PRKG1: variants seen among roughly 807,000 people sequenced by gnomAD.
PRKG1 encodes the protein cGMP-dependent protein kinase 1.
A neutral mutation model predicts 88.1 loss-of-function variants in PRKG1; 35 were observed. That is an observed-to-expected ratio of 0.40 (90% confidence interval 0.30 to 0.53). The LOEUF (loss-of-function observed/expected upper bound fraction) is 0.53. Among genes scored for constraint, PRKG1 ranks in the 20% least tolerant of loss-of-function variants. PRKG1 has a pLI of 0.59. For missense variants in PRKG1, 540 were observed against 839.8 expected, an observed-to-expected ratio of 0.64 and a Z score of 4.41; for synonymous variants, 303 against 292.5, an observed-to-expected ratio of 1.04 and a Z score of -0.37.
chr10:51,159,342 T>C (rs1846304119), intron 2 of PRKG1, among the ~76,000 whole-genome samples: 1 of 152,176 alleles, frequency 6.6e-6, no homozygotes, highest in South Asian at 2.1e-4. Context: ...TGGGCCATTT[T>C]ATTCTTTACA....
At chr10:51,852,924 C>G (rs1382654371) in intron 4 of PRKG1, among the ~76,000 whole-genome samples, 1 of 152,066 alleles carries the variant, frequency 6.6e-6, no homozygotes, top group Non-Finnish European at 1.5e-5. Context: ...TTTATCAGTT[C>G]CTTCAAGACT....
chr10:51,995,316 T>C (rs565114061), intron 5 of PRKG1, among the ~76,000 whole-genome samples: 1 of 152,266 alleles, frequency 6.6e-6, no homozygotes, highest in South Asian at 2.1e-4. Context: ...GAGCAGGTAA[T>C]GTACAATCAT....
intron 5 of PRKG1, among the ~76,000 whole-genome samples, chr10:52,008,475 C>A (rs1221290287): frequency 6.6e-6 from 1 of 151,952 alleles, no homozygotes; most frequent in African/African-American, 2.4e-5. Flanking sequence ...ACAGAAGAAC[C>A]ATCAGAGACT....
chr10:52,229,555 A>G (rs909183995), intron 9 of PRKG1, among the ~76,000 whole-genome samples: 2 of 152,156 alleles, frequency 1.3e-5, no homozygotes, highest in African/African-American at 2.4e-5. Flanking sequence ...TGATTTTGGC[A>G]ACAGTTGGTC....
chr10:50,995,955 C>T (rs779434685), intron 1 of PRKG1, among the ~76,000 whole-genome samples: 1 of 152,184 alleles, frequency 6.6e-6, no homozygotes, highest in Non-Finnish European at 1.5e-5. Context: ...TCTCTCTGAT[C>T]CAATTCACAT....
rs1839529528 is a variant in PRKG1 at position 51,814,275 on chromosome 10, C to A, written c.698+9585C>A. On this transcript the variant is annotated intron_variant, in intron 4 of 17. Coordinates refer to ENST00000373980, the MANE Select transcript of PRKG1 (RefSeq NM_006258.4). ...AGATGCCACTTTTTGGGCACAAATT[C>A]TATAAAATACAACAATATTGTCTAA... is the stretch of plus-strand genomic sequence containing the variant. Among the ~76,000 whole-genome samples the A allele has an allele frequency of 2.0e-5, 3 of 152,214 alleles. No homozygotes were observed. In the South Asian group the frequency reaches 6.2e-4, roughly 32 times the overall value.
intron 1 of PRKG1, among the ~76,000 whole-genome samples, chr10:51,126,968 TG>T (rs1294639456): frequency 6.6e-6 from 1 of 152,052 alleles, no homozygotes; most frequent in Non-Finnish European, 1.5e-5. Context: ...AACTCAAGAT[TG>T]ATTAAAGACT....
intron 2 of PRKG1, among the ~76,000 whole-genome samples, chr10:51,457,425 G>T (rs1203268991): frequency 1.3e-5 from 2 of 152,242 alleles, no homozygotes; most frequent in Admixed American, 1.3e-4. Flanking sequence ...GGGACTCAGT[G>T]GGGAGGGGGA....
At chr10:51,515,108 C>T (rs768840224) in intron 3 of PRKG1, among the ~76,000 whole-genome samples, 46 of 152,054 alleles carry the variant, frequency 3.0e-4, no homozygotes, top group South Asian at 1.0e-3. Context: ...TGGAATAAAT[C>T]GATTTATATA....
intron 3 of PRKG1, among the ~76,000 whole-genome samples, chr10:51,659,276 CAGGGATG>C (rs1332943944): frequency 6.6e-6 from 1 of 151,990 alleles, no homozygotes; most frequent in Non-Finnish European, 1.5e-5. Flanking sequence ...AAATAACACA[CAGGGATG>C]ACAGTTCGCT....
intron 3 of PRKG1, among the ~76,000 whole-genome samples, chr10:51,722,453 T>G (rs2132453795): frequency 6.6e-6 from 1 of 151,842 alleles, no homozygotes; most frequent in South Asian, 2.1e-4. Context: ...TTATCATATA[T>G]ATATTTATTT....
chr10:52,213,290 A>G (rs1186071420), intron 9 of PRKG1, among the ~76,000 whole-genome samples: 3 of 152,238 alleles, frequency 2.0e-5, no homozygotes, highest in Non-Finnish European at 2.9e-5. Context: ...TCAAATGTGA[A>G]GAAAATCAGG....
At chr10:51,856,972 AAAG>A (rs146155332) in intron 4 of PRKG1, among the ~76,000 whole-genome samples, 30,229 of 128,282 alleles carry the variant, frequency 0.24, 3,350 homozygotes, top group South Asian at 0.3. Context: ...TTACTAAAAA[AAAG>A]AAAAAAAAAA....
chr10:51,885,357 G>A (rs1372328350), intron 4 of PRKG1, among the ~76,000 whole-genome samples: 6 of 152,202 alleles, frequency 3.9e-5, no homozygotes, highest in African/African-American at 1.4e-4. Flanking sequence ...TTCTGTTTTA[G>A]CAATATAAGA....
chr10:52,139,804 G>A (rs1478521045), intron 8 of PRKG1, among the ~76,000 whole-genome samples: 2 of 152,062 alleles, frequency 1.3e-5, no homozygotes, highest in East Asian at 3.9e-4. Context: ...TATCTTCTGA[G>A]TGGGGTCTCC....
chr10:51,203,084 G>A (rs1469367534), intron 2 of PRKG1, among the ~76,000 whole-genome samples: 1 of 152,044 alleles, frequency 6.6e-6, no homozygotes, highest in Non-Finnish European at 1.5e-5. Context: ...GCAAGTTATT[G>A]AATACAGAGG....
chr10:51,845,796 A>T (rs866666063), intron 4 of PRKG1, among the ~76,000 whole-genome samples: 1 of 152,068 alleles, frequency 6.6e-6, no homozygotes, highest in African/African-American at 2.4e-5. Flanking sequence ...TGCTAATTTT[A>T]GTTTTATACT....
In PRKG1 at chr10:51,152,469, C is replaced by A. The variant is rs141347410; in HGVS notation, c.312-695C>A. Among the ~76,000 whole-genome samples, 440 of 152,084 alleles carry A rather than the reference C, an allele frequency of 2.9e-3. 2 individuals carry two copies. Among genetic ancestry groups the A allele is most frequent in the African/African-American group, 0.01 (420 of 41,510 alleles). ...AGTAGGAATCCAATTCTTTTTTAAT[C>A]CAAAATATTACTTGAGCAGTATTAT... is the stretch of plus-strand genomic sequence containing the variant. On this transcript the variant is annotated intron_variant, in intron 1 of 17. Coordinates refer to ENST00000373980, the MANE Select transcript of PRKG1 (RefSeq NM_006258.4).
Position 51,980,874 on chromosome 10 carries a change from T to G in PRKG1, c.762+73304T>G, listed in dbSNP as rs189822440. 6.6e-5 allele frequency among the ~76,000 whole-genome samples: 10 copies of G among 152,286 alleles called. No individual in the cohort carries two copies. In the East Asian group the frequency reaches 1.9e-3, roughly 29 times the overall value. On this transcript the variant is annotated intron_variant, in intron 5 of 17. Transcript: ENST00000373980. ...TCCCTTTATTTTGAGCCTATGGGTG[T>G]TGTTGTATGTAAGATGGGTCTCTTG...
Sources: allele counts gnomAD v4.1 joint callset (sites outside exome capture counted in the v4.1 genomes callset), GRCh38; gene constraint gnomAD v4.1.1; transcripts MANE v1.5; gene names NCBI Gene and HGNC (gene_info 2026-07-23, HGNC 2026-07-21).